CNTNAP5: variants seen among roughly 807,000 people sequenced by gnomAD.
The protein encoded by CNTNAP5 is contactin associated protein family member 5.
CNTNAP5 carries 72 observed loss-of-function variants against 150.2 expected under a neutral mutation model. The observed-to-expected ratio is 0.48, with a 90% CI of 0.40 to 0.58. The LOEUF (loss-of-function observed/expected upper bound fraction) is 0.58. CNTNAP5 is among the 20% of genes least tolerant of loss of function. CNTNAP5 has a pLI of 0.00. For missense variants in CNTNAP5, 1,636 were observed against 1,626.2 expected, an observed-to-expected ratio of 1.01 and a Z score of -0.10; for synonymous variants, 672 against 619.8, an observed-to-expected ratio of 1.08 and a Z score of -1.25.
At chr2:124,906,435 A>G (rs1573703302) in intron 22 of CNTNAP5, among the ~76,000 whole-genome samples, 1 of 152,106 alleles carries the variant, frequency 6.6e-6, no homozygotes. Context: ...GCACACACTA[A>G]GAACAATAGT....
At chr2:124,137,377 GA>G (rs773957501) in intron 1 of CNTNAP5, among the ~76,000 whole-genome samples, 3 of 151,942 alleles carry the variant, frequency 2.0e-5, no homozygotes, top group African/African-American at 4.8e-5. Flanking sequence ...GAAATACAAG[GA>G]AAAAAATCCT....
intron 3 of CNTNAP5, among the ~76,000 whole-genome samples, chr2:124,326,129 T>C (rs964174855): frequency 1.3e-5 from 2 of 152,104 alleles, no homozygotes; most frequent in African/African-American, 4.8e-5. Context: ...CCAAAGTACA[T>C]TAAGTGGAGA....
chr2:124,499,051 T>C (rs573791427), intron 7 of CNTNAP5, among the ~76,000 whole-genome samples: 38 of 152,236 alleles, frequency 2.5e-4, no homozygotes, highest in African/African-American at 8.4e-4. Flanking sequence ...CCAGGAGCAA[T>C]GCTAGATACA....
chr2:124,155,074 C>T (rs1018026582), intron 1 of CNTNAP5, among the ~76,000 whole-genome samples: 2 of 110,832 alleles, frequency 1.8e-5, no homozygotes, highest in Non-Finnish European at 1.7e-5. Context: ...AAACCATTCC[C>T]GTTTTTTTTT....
At chr2:124,859,929 G>C (rs1004373971) in intron 19 of CNTNAP5, among the ~76,000 whole-genome samples, 2 of 152,082 alleles carry the variant, frequency 1.3e-5, no homozygotes, top group African/African-American at 4.8e-5. Context: ...GGAGCAGGGA[G>C]GGATAGCATT....
intron 1 of CNTNAP5, among the ~76,000 whole-genome samples, chr2:124,040,325 A>G (rs1290687849): frequency 6.6e-6 from 1 of 152,144 alleles, no homozygotes; most frequent in African/African-American, 2.4e-5. Flanking sequence ...GTAAGTACAC[A>G]TTGGATTAGT....
intron 6 of CNTNAP5, among the ~76,000 whole-genome samples, chr2:124,465,753 C>A (rs944324172): frequency 1.3e-5 from 2 of 152,080 alleles, no homozygotes; most frequent in African/African-American, 4.8e-5. Flanking sequence ...ACAAAAGATT[C>A]CTCCCCTCAT....
chr2:124,034,685 G>C (rs1405229601), intron 1 of CNTNAP5, among the ~76,000 whole-genome samples: 1 of 152,038 alleles, frequency 6.6e-6, no homozygotes, highest in Admixed American at 6.5e-5. Flanking sequence ...AACTGAAGAG[G>C]GCAATGGAGA....
rs200166299 is a variant in CNTNAP5 at position 124,246,288 on chromosome 2, C to A, written c.381+3895C>A. On this transcript the variant is annotated intron_variant, in intron 3 of 23. Transcript: ENST00000682447. ...TAGCAATTTTTCATGCCCTAAAAAT[C>A]CAATTTGGAGAGTTTCTGATCTGGC... 9.2e-5 allele frequency among the ~76,000 whole-genome samples: 14 copies of A among 152,160 alleles called. No individual in the cohort carries two copies. In the East Asian group the frequency reaches 2.3e-3, roughly 25 times the overall value.
chr2:124,640,966 A>G (rs1163397659), intron 12 of CNTNAP5, among the ~76,000 whole-genome samples: 2 of 151,902 alleles, frequency 1.3e-5, no homozygotes, highest in African/African-American at 4.8e-5. Flanking sequence ...TCTGTACTAA[A>G]AAATACAAAA....
intron 3 of CNTNAP5, among the ~76,000 whole-genome samples, chr2:124,277,177 A>G (rs1223437242): frequency 6.6e-6 from 1 of 152,168 alleles, no homozygotes. Context: ...GCTAGTGAGG[A>G]CTTTATACTT....
At chr2:124,362,122 A>T (rs1690224524) in intron 3 of CNTNAP5, among the ~76,000 whole-genome samples, 1 of 152,080 alleles carries the variant, frequency 6.6e-6, no homozygotes, top group South Asian at 2.1e-4. Context: ...GAACTCCCTG[A>T]CCCCTTGCGC....
chr2:124,121,792 T>A (rs553091380), intron 1 of CNTNAP5, among the ~76,000 whole-genome samples: 4 of 152,162 alleles, frequency 2.6e-5, no homozygotes, highest in Non-Finnish European at 4.4e-5. Flanking sequence ...CCCACATTGA[T>A]CTTTCCCTTA....
intron 21 of CNTNAP5, among the ~76,000 whole-genome samples, chr2:124,873,029 T>A (rs1677784749): frequency 1.3e-5 from 2 of 152,128 alleles, no homozygotes; most frequent in Admixed American, 1.3e-4. Context: ...CCATAAATAC[T>A]TGAGACTGGG....
At chr2:124,195,402 AG>A (rs2104700972) in intron 1 of CNTNAP5, among the ~76,000 whole-genome samples, 1 of 152,290 alleles carries the variant, frequency 6.6e-6, no homozygotes, top group African/African-American at 2.4e-5. Flanking sequence ...CATCTATAAA[AG>A]GTCTAAGAGC....
At chr2:124,786,830 CT>C (rs1681609579) in intron 17 of CNTNAP5, among the ~76,000 whole-genome samples, 2 of 152,124 alleles carry the variant, frequency 1.3e-5, no homozygotes, top group African/African-American at 4.8e-5. Flanking sequence ...AAAAGGGCCG[CT>C]TTTAAAAAAT....
rs1677722738 is a variant in CNTNAP5 at position 124,626,356 on chromosome 2, C to T, written c.1876+16436C>T. Among the ~76,000 whole-genome samples the T allele has an allele frequency of 2.0e-5, 3 of 152,132 alleles. No individual in the cohort carries two copies. In the South Asian group the frequency reaches 6.2e-4, roughly 31 times the overall value. ...GAATGCAGAACGTGGGTGATTACTG[C>T]ATTTCCAACTGAGGTACCCAGTTCA... On this transcript the variant is annotated intron_variant, in intron 12 of 23. Transcript: ENST00000682447.
At chr2:124,102,234 T>G (rs1303597042) in intron 1 of CNTNAP5, among the ~76,000 whole-genome samples, 2 of 152,086 alleles carry the variant, frequency 1.3e-5, no homozygotes, top group Non-Finnish European at 2.9e-5. Flanking sequence ...CAGGAACTAA[T>G]CCAAGTCCCT....
intron 12 of CNTNAP5, among the ~76,000 whole-genome samples, chr2:124,638,538 T>A (rs1030126761): frequency 1.2e-4 from 18 of 152,190 alleles, no homozygotes; most frequent in Non-Finnish European, 2.1e-4. Flanking sequence ...AATATTCAAC[T>A]TTTGGACTTG....
Sources: allele counts gnomAD v4.1 joint callset (sites outside exome capture counted in the v4.1 genomes callset), GRCh38; gene constraint gnomAD v4.1.1; transcripts MANE v1.5; gene names NCBI Gene and HGNC (gene_info 2026-07-23, HGNC 2026-07-21).